CNOT11: variants seen among roughly 807,000 people sequenced by gnomAD.
CNOT11 encodes CCR4-NOT transcription complex subunit 11, also known as UPF0760 protein C2orf29.
Under a neutral mutation model 44.6 loss-of-function variants are expected in CNOT11, and 18 were observed. That is an observed-to-expected ratio of 0.40 (90% confidence interval 0.28 to 0.60). The LOEUF (loss-of-function observed/expected upper bound fraction) is 0.60, where lower values mean the gene tolerates loss of function less well. Ranked by LOEUF, CNOT11 falls within the 20% of genes least tolerant of loss-of-function variation. The pLI, the probability that CNOT11 is intolerant of heterozygous loss-of-function variation, is 0.38. For missense variants in CNOT11, 513 were observed against 677.0 expected, an observed-to-expected ratio of 0.76 and a Z score of 2.69; for synonymous variants, 291 against 270.9, an observed-to-expected ratio of 1.07 and a Z score of -0.73.
At chr2:101,259,273 G>A (rs1415247988) in intron 2 of CNOT11, among the ~76,000 whole-genome samples, 1 of 152,212 alleles carries the variant, frequency 6.6e-6, no homozygotes, top group African/African-American at 2.4e-5. Flanking sequence ...GTACCACACT[G>A]TTTTGATTAC....
At chr2:101,267,220 T>A (rs1336408870) in intron 5 of CNOT11, among the ~76,000 whole-genome samples, 2 of 152,128 alleles carry the variant, frequency 1.3e-5, no homozygotes, top group Non-Finnish European at 2.9e-5. Flanking sequence ...CCCGCTGGGT[T>A]CAAGCAATTC....
At chr2:101,258,389 C>A (rs1443328993) in intron 2 of CNOT11, among the ~76,000 whole-genome samples, 1 of 141,768 alleles carries the variant, frequency 7.1e-6, no homozygotes, top group East Asian at 2.0e-4. Context: ...CAGTGAGACT[C>A]CATCTCAATA....
Position 101,253,605 on chromosome 2 carries a change from C to CCT in CNOT11, c.514+134_514+135dup, listed in dbSNP as rs372129068. ...GTGAAATGATCATCCTCTTTTTCCG[C>CCT]CTCTCTCTGCGTTCCCACGCCCCTC... is the stretch of plus-strand genomic sequence containing the variant. On this transcript the variant is annotated intron_variant, in intron 1 of 6. Coordinates refer to ENST00000289382, the MANE Select transcript of CNOT11 (RefSeq NM_017546.5). This position sits in a 1 kb window ranked among gnomAD's most constrained non-coding sequence, Gnocchi z 4.3. 1.1e-6 allele frequency: 1 copy of CCT among 940,482 alleles called. No homozygotes were observed. Among genetic ancestry groups the CCT allele is most frequent in the Non-Finnish European group, 1.5e-6 (1 of 667,396 alleles). 58.3% of individuals were successfully genotyped at this position (940,482 alleles called of 1,614,324 possible).
chr2:101,268,998 A>G (rs1448216722), intron 5 of CNOT11, 42 bp from the exon 6 acceptor site: 2 of 1,267,716 alleles, frequency 1.6e-6, no homozygotes, highest in Admixed American at 2.0e-5. Context: ...TCTCAATGTT[A>G]GCAAATGAAA....
At chr2:101,267,651 T>C (rs1057094922) in intron 5 of CNOT11, among the ~76,000 whole-genome samples, 2 of 152,160 alleles carry the variant, frequency 1.3e-5, no homozygotes, top group Non-Finnish European at 2.9e-5. Flanking sequence ...CAGAACATCT[T>C]CCCTTCTTGA....
Position 101,253,158 on chromosome 2 carries a change from C to A in CNOT11, c.194C>A (p.Pro65Gln). ...GGPAGRMSLT[P>Q]KELSSLLSII... ...CCCGCGGGCAGGATGAGCTTGACCCCGAAGGAGCTCTCGAGCCTGCTGAGC... is the reference window on the plus strand; with the variant it reads ...CCCGCGGGCAGGATGAGCTTGACCCAGAAGGAGCTCTCGAGCCTGCTGAGC... Residue 65 changes from proline to glutamine, a missense_variant, in exon 1 of 7, where the codon CCG becomes CAG. Physicochemically the swap from Pro to Gln is moderately conservative, Grantham distance 76 (BLOSUM62 -1). Transcript: ENST00000289382. This position sits in a 1 kb window ranked among gnomAD's most constrained non-coding sequence, Gnocchi z 4.3. The A allele has an allele frequency of 6.3e-7, 1 of 1,587,578 alleles. No individual in the cohort carries two copies. The highest frequency in any genetic ancestry group is 8.5e-7 in the Non-Finnish European group (1 of 1,169,640).
At chr2:101,267,159 G>A (rs1412169579) in intron 5 of CNOT11, among the ~76,000 whole-genome samples, 1 of 152,118 alleles carries the variant, frequency 6.6e-6, no homozygotes, top group Non-Finnish European at 1.5e-5. Context: ...GTCTCACTCT[G>A]TTGCCCAGGC....
Position 101,253,389 on chromosome 2 carries a change from C to A in CNOT11, c.425C>A (p.Ala142Asp). 6.3e-7 allele frequency: 1 copy of A among 1,591,322 alleles called. No individual in the cohort carries two copies. The highest frequency in any genetic ancestry group is 8.5e-7 in the Non-Finnish European group (1 of 1,175,792). Reference sequence around the variant, plus strand: ...ATGTACCGCACCGAGCCGCTGGCCGCCAACCCCTTCGCCGCCAGCTTCGCG... The same window carrying A: ...ATGTACCGCACCGAGCCGCTGGCCGACAACCCCTTCGCCGCCAGCTTCGCG... ...WEMYRTEPLA[A>D]NPFAASFAHL... The change falls in exon 1 of 7, where the codon GCC becomes GAC. Residue 142 changes from alanine to aspartate, a missense_variant. Around this residue, in one of 4 missense-constraint regions of CNOT11, gnomAD observed 259 missense variants for 265.7 expected, o/e 0.97. Transcript: ENST00000289382. This position sits in a 1 kb window ranked among gnomAD's most constrained non-coding sequence, Gnocchi z 4.3.
Position 101,253,503 on chromosome 2 carries a change from G to T in CNOT11, c.514+25G>T. On this transcript the variant is annotated intron_variant, in intron 1 of 6. Transcript: ENST00000289382. This position sits in a 1 kb window ranked among gnomAD's most constrained non-coding sequence, Gnocchi z 4.3. ...GGTACCTCCTGAAGCCAGCTGTGCC[G>T]TGTGGATAGCGTTAGATTCCGCAGC... is the stretch of plus-strand genomic sequence containing the variant. 3 of 1,424,782 alleles carry T rather than the reference G, an allele frequency of 2.1e-6. No individual in the cohort carries two copies. Among genetic ancestry groups the T allele is most frequent in the Non-Finnish European group, 2.7e-6 (3 of 1,096,926 alleles). 88.3% of individuals were successfully genotyped at this position (1,424,782 alleles called of 1,614,324 possible). A position where few individuals can be genotyped will look rare whatever the true frequency, so the allele number is the denominator to read the frequency against.
chr2:101,269,431 C>A lies in CNOT11; in HGVS notation c.*18C>A. The A allele has an allele frequency of 6.2e-7, 1 of 1,604,322 alleles. No homozygotes were observed. Among genetic ancestry groups the A allele is most frequent in the Non-Finnish European group, 8.5e-7 (1 of 1,171,494 alleles). On this transcript the variant is annotated 3_prime_UTR_variant, in exon 7 of 7. Transcript: ENST00000289382. This position sits in a 1 kb window ranked among gnomAD's most constrained non-coding sequence, Gnocchi z 4.8. ...CAAAATAATACCTCATCAGAACCAT[C>A]CCATCCATTCACTGTTCAGCTGTAC... is the stretch of plus-strand genomic sequence containing the variant.
At chr2:101,268,455 C>T (rs1182546907) in intron 5 of CNOT11, among the ~76,000 whole-genome samples, 3 of 152,166 alleles carry the variant, frequency 2.0e-5, no homozygotes, top group East Asian at 1.9e-4. Context: ...TGTTTTCCCC[C>T]GATACCTATC....
chr2:101,262,241 A>C (rs1198696213), intron 2 of CNOT11, among the ~76,000 whole-genome samples: 1 of 152,168 alleles, frequency 6.6e-6, no homozygotes, highest in Admixed American at 6.5e-5. Flanking sequence ...CTGCAGATTT[A>C]AGTGAAGTGA....
intron 4 of CNOT11, among the ~76,000 whole-genome samples, chr2:101,266,127 T>G (rs1681976475): frequency 6.6e-6 from 1 of 152,188 alleles, no homozygotes; most frequent in South Asian, 2.1e-4. Context: ...GATACCTGTT[T>G]GAATTACAAA....
chr2:101,266,763 C>T lies in CNOT11; in HGVS notation c.1122C>T (p.Asn374=), dbSNP rs142744912. The change falls in exon 5 of 7, where the codon AAC becomes AAT. Residue 374 remains asparagine, a synonymous_variant. Coordinates refer to ENST00000289382, the MANE Select transcript of CNOT11 (RefSeq NM_017546.5). Reference sequence around the variant, plus strand: ...AACTTCCTGACCTTGTGGAAAACAACCCTTTAGTCGCTATAGAAATGTTGC... The same window carrying T: ...AACTTCCTGACCTTGTGGAAAACAATCCTTTAGTCGCTATAGAAATGTTGC... The part of the protein sequence containing the change: ...PAKLPDLVEN[N]PLVAIEMLLK... The T allele has an allele frequency of 1.9e-6, 3 of 1,614,084 alleles. No homozygotes were observed. The highest frequency in any genetic ancestry group is 1.3e-5 in the African/African-American group (1 of 75,048).
Position 101,261,848 on chromosome 2 carries a change from T to TTC in CNOT11, c.680-690_680-689insCT, listed in dbSNP as rs1553436013. On this transcript the variant is annotated intron_variant, in intron 2 of 6. Coordinates refer to ENST00000289382, the MANE Select transcript of CNOT11 (RefSeq NM_017546.5). ...TTCCTGTTGGTTTCTTTCTTTCTTT[T>TTC]TTTTTTTTTTTTTTTTGAGATGGAG... Among the ~76,000 whole-genome samples the TTC allele has an allele frequency of 3.5e-5, 5 of 141,122 alleles. No homozygotes were observed. In the East Asian group the frequency reaches 1.0e-3, roughly 29 times the overall value. The allele number at this position is 141,122 out of a possible 152,430, so 92.6% of individuals were successfully genotyped here.
chr2:101,262,149 G>T (rs1342456322), intron 2 of CNOT11, among the ~76,000 whole-genome samples: 1 of 151,990 alleles, frequency 6.6e-6, no homozygotes, highest in African/African-American at 2.4e-5. Flanking sequence ...CGCCTGGTGG[G>T]TTCTTTCTTT....
Position 101,257,971 on chromosome 2 carries a change from T to C in CNOT11, c.679+16T>C. The C allele has an allele frequency of 6.2e-7, 1 of 1,604,446 alleles. No homozygotes were observed. The highest frequency in any genetic ancestry group is 8.5e-7 in the Non-Finnish European group (1 of 1,174,504). On this transcript the variant is annotated intron_variant, in intron 2 of 6. Coordinates refer to ENST00000289382, the MANE Select transcript of CNOT11 (RefSeq NM_017546.5). The stretch of plus-strand genomic sequence containing the variant: ...GCCTTGGCCGGTAAGGAGGAATCAG[T>C]GTTTTGGGCATTTCTGTGTGGTAAT...
At chr2:101,261,942 G>T (rs1294612515) in intron 2 of CNOT11, among the ~76,000 whole-genome samples, 1 of 150,400 alleles carries the variant, frequency 6.6e-6, no homozygotes, top group Non-Finnish European at 1.5e-5. Context: ...CGCCTCCCGG[G>T]TTCATGCCAT....
At chr2:101,266,496 T>G (rs1248852720) in intron 4 of CNOT11, among the ~76,000 whole-genome samples, 181 bp from the exon 5 acceptor site, 3 of 152,226 alleles carry the variant, frequency 2.0e-5, no homozygotes, top group Non-Finnish European at 4.4e-5. Flanking sequence ...AAAATTAAAA[T>G]GTAAATTTAG....
Sources: gnomAD v4.1 joint callset for allele counts (sites outside exome capture counted in the v4.1 genomes callset) on GRCh38, gnomAD v4.1.1 for gene constraint, gnomAD v4.1.1 regional missense constraint, Gnocchi (gnomAD v3.1) non-coding constraint, MANE v1.5 for transcripts, NCBI Gene and HGNC (gene_info 2026-07-23, HGNC 2026-07-21) for gene names.